Variants in FOXN4 observed in about 807,000 individuals in gnomAD.
FOXN4 encodes forkhead box protein N4.
A neutral mutation model predicts 45.0 loss-of-function variants in FOXN4; 12 were observed. That is an observed-to-expected ratio of 0.27 (90% CI 0.17 to 0.43). The LOEUF is 0.43. FOXN4 is among the 20% of genes least tolerant of loss of function. FOXN4 has a pLI of 1.00. For synonymous variants in FOXN4, 297 were observed against 295.0 expected, an observed-to-expected ratio of 1.01 and a Z score of -0.07; for missense variants, 560 against 694.9, an observed-to-expected ratio of 0.81 and a Z score of 2.18.
chr12:109,296,303 C>A (rs1325148938), intron 2 of FOXN4, among the ~76,000 whole-genome samples: 1 of 152,234 alleles, frequency 6.6e-6, no homozygotes, highest in Non-Finnish European at 1.5e-5. Flanking sequence ...CCCCCGTGCT[C>A]TCACTCAGGT....
Position 109,281,747 on chromosome 12 carries a change from G to A in FOXN4, c.954C>T (p.Gly318=). 1 of 1,605,126 alleles carries A rather than the reference G, an allele frequency of 6.2e-7. No individual in the cohort carries two copies. Among genetic ancestry groups the A allele is most frequent in the Non-Finnish European group, 8.5e-7 (1 of 1,176,124 alleles). The part of the protein sequence containing the change: ...SDRPESCRRP[G]KPGEPEAPVL... Reference sequence around the variant, plus strand: ...CGGGGGCCTCTGGTTCCCCCGGTTTGCCGGGGCGCCGGCAGCTTTCAGGCC... The same window carrying A: ...CGGGGGCCTCTGGTTCCCCCGGTTTACCGGGGCGCCGGCAGCTTTCAGGCC... The change falls in exon 9 of 10, where the codon GGC becomes GGT. Residue 318 remains glycine, a synonymous_variant. Coordinates refer to ENST00000299162, the MANE Select transcript of FOXN4 (RefSeq NM_213596.3).
chr12:109,281,351 C>A (rs2047649847), intron 9 of FOXN4, 56 bp downstream of exon 9: 5 of 1,593,628 alleles, frequency 3.1e-6, no homozygotes, highest in South Asian at 1.1e-5. Context: ...TCCCTTTGGC[C>A]CCCGGGCCTC....
rs1566000635 is a variant in FOXN4 at position 109,290,133 on chromosome 12, G to A, written c.232+8C>T. ...CCTCCTCCCTGCCTACCTTGTCCCTGAGCCTACCTGGGTGTGGATGTGGCA... is the reference window on the plus strand; with the variant it reads ...CCTCCTCCCTGCCTACCTTGTCCCTAAGCCTACCTGGGTGTGGATGTGGCA... On this transcript the variant is annotated splice_region_variant and intron_variant, in intron 3 of 9. Transcript: ENST00000299162. The surrounding 1 kb of genome is among the most constrained non-coding windows in gnomAD (Gnocchi z 5.1). 2 of 1,540,076 alleles carry A rather than the reference G, an allele frequency of 1.3e-6. No individual in the cohort carries two copies. Among genetic ancestry groups the A allele is most frequent in the Non-Finnish European group, 1.8e-6 (2 of 1,140,758 alleles).
chr12:109,306,800 A>G (rs1451157197), intron 2 of FOXN4, among the ~76,000 whole-genome samples: 5 of 152,248 alleles, frequency 3.3e-5, no homozygotes, highest in Admixed American at 2.0e-4. Context: ...ACGTAGCCAG[A>G]GAAGTTGGGA....
rs533089438 is a variant in FOXN4, at chr12:109,290,418, C to T, written c.87-132G>A. On this transcript the variant is annotated intron_variant, in intron 2 of 9. Transcript: ENST00000299162. The surrounding 1 kb of genome is among the most constrained non-coding windows in gnomAD (Gnocchi z 5.1). ...AGCCACGCCAGCCCTCCAACCTGCC[C>T]GTCCCCAGGACTGGACACGGGAACC... 11 of 1,133,520 alleles carry T rather than the reference C, an allele frequency of 9.7e-6. No individual in the cohort carries two copies. Among genetic ancestry groups the T allele is most frequent in the South Asian group, 5.1e-5 (3 of 58,460 alleles). 70.2% of individuals were successfully genotyped at this position (1,133,520 alleles called of 1,614,324 possible).
intron 9 of FOXN4, 123 bp from the exon 10 acceptor site, chr12:109,280,053 G>T (rs1456373129): frequency 3.6e-6 from 5 of 1,384,074 alleles, no homozygotes; most frequent in Non-Finnish European, 4.9e-6. Flanking sequence ...TGTAGAAAAA[G>T]GGCATGGGGC....
chr12:109,295,213 C>T (rs1046473803), intron 2 of FOXN4, among the ~76,000 whole-genome samples: 4 of 152,192 alleles, frequency 2.6e-5, no homozygotes, highest in African/African-American at 9.6e-5. Flanking sequence ...GTGTGTGTAA[C>T]AGAGAGAGCC....
intron 2 of FOXN4, among the ~76,000 whole-genome samples, chr12:109,307,183 C>T (rs1673324538): frequency 6.6e-6 from 1 of 152,206 alleles, no homozygotes; most frequent in Admixed American, 6.5e-5. Flanking sequence ...CCTCTAATTG[C>T]GGGCTGCGGT....
At chr12:109,294,864 A>C (rs573940414) in intron 2 of FOXN4, among the ~76,000 whole-genome samples, 84 of 151,490 alleles carry the variant, frequency 5.5e-4, no homozygotes, top group Non-Finnish European at 9.0e-4. Flanking sequence ...CTCCCTCATC[A>C]GTGCCTGAAG....
chr12:109,290,689 C>T lies in FOXN4; in HGVS notation c.87-403G>A, dbSNP rs1243177783. 6.6e-6 allele frequency among the ~76,000 whole-genome samples: 1 copy of T among 152,164 alleles called. No individual in the cohort carries two copies. The highest frequency in any genetic ancestry group is 1.5e-5 in the Non-Finnish European group (1 of 68,028). ...CAGTTGGAGCTCACCTACTATGGGA[C>T]ACTACAGCACAGAGCACTCAGGGCC... On this transcript the variant is annotated intron_variant, in intron 2 of 9. Coordinates refer to ENST00000299162, the MANE Select transcript of FOXN4 (RefSeq NM_213596.3). This position sits in a 1 kb window ranked among gnomAD's most constrained non-coding sequence, Gnocchi z 5.1.
chr12:109,287,535 G>A lies in FOXN4; in HGVS notation c.469-11C>T. 1 of 1,513,764 alleles carries A rather than the reference G, an allele frequency of 6.6e-7. No homozygotes were observed. Among genetic ancestry groups the A allele is most frequent in the Non-Finnish European group, 8.8e-7 (1 of 1,132,374 alleles). The allele number at this position is 1,513,764 out of a possible 1,614,324, so 93.8% of individuals were successfully genotyped here. A position where few individuals can be genotyped will look rare whatever the true frequency, so the allele number is the denominator to read the frequency against. On this transcript the variant is annotated splice_polypyrimidine_tract_variant and intron_variant, in intron 5 of 9. Coordinates refer to ENST00000299162, the MANE Select transcript of FOXN4 (RefSeq NM_213596.3). This position sits in a 1 kb window ranked among gnomAD's most constrained non-coding sequence, Gnocchi z 4.1. ...GCCCACAGGAGGGCACTTCCCACAG[G>A]CAGGGGCAGGGAGAAAGTGGCAGAG...
At position 109,286,751 on chromosome 12, in the gene FOXN4, G is replaced by A. The variant is rs1407302075; in HGVS notation, c.597-7C>T. 1.2e-6 allele frequency: 2 copies of A among 1,602,546 alleles called. No individual in the cohort carries two copies. The highest frequency in any genetic ancestry group is 1.7e-6 in the Non-Finnish European group (2 of 1,179,210). ...GGCCATGGCGATCAGACAGCTGGGGGCAGGAGGTGGGGCAGGGCAGGGCAG... is the reference window on the plus strand; with the variant it reads ...GGCCATGGCGATCAGACAGCTGGGGACAGGAGGTGGGGCAGGGCAGGGCAG... On this transcript the variant is annotated splice_region_variant and splice_polypyrimidine_tract_variant and intron_variant, in intron 6 of 9. Transcript: ENST00000299162.
chr12:109,286,770 A>C (rs147825065), intron 6 of FOXN4, 26 bp from the exon 7 acceptor site: 2 of 1,571,070 alleles, frequency 1.3e-6, no homozygotes, highest in Admixed American at 3.5e-5. Context: ...GGGGCAGGGC[A>C]GGGCAGGGCA....
chr12:109,278,178 C>G lies in FOXN4; in HGVS notation c.*1493G>C, dbSNP rs2047622663. The G allele has an allele frequency of 2.0e-5, 3 of 152,200 alleles. No homozygotes were observed. The South Asian group carries it at 6.2e-4, about 32-fold the overall frequency. The allele number at this position is 152,200 out of a possible 1,614,324, so 9.4% of individuals were successfully genotyped here. A position where few individuals can be genotyped will look rare whatever the true frequency, so the allele number is the denominator to read the frequency against. On this transcript the variant is annotated 3_prime_UTR_variant, in exon 10 of 10. Coordinates refer to ENST00000299162, the MANE Select transcript of FOXN4 (RefSeq NM_213596.3). ...GGTGGTGGATACTCGGTAGAAAGTTCCAGAACTGGGAAAAACTTAAAGCTC... is the reference window on the plus strand; with the variant it reads ...GGTGGTGGATACTCGGTAGAAAGTTGCAGAACTGGGAAAAACTTAAAGCTC...
intron 2 of FOXN4, among the ~76,000 whole-genome samples, chr12:109,298,058 AT>A (rs2047833330): frequency 6.6e-6 from 1 of 152,150 alleles, no homozygotes; most frequent in African/African-American, 2.4e-5. Flanking sequence ...TAGAAATTTG[AT>A]TTAGATCTGG....
rs1555244325 is a variant in FOXN4, at chr12:109,304,295, G to GAAAGAAAGAAAGAAA, written c.86+3940_86+3941insTTTCTTTCTTTCTTT. Among the ~76,000 whole-genome samples the GAAAGAAAGAAAGAAA allele has an allele frequency of 5.8e-3, 233 of 40,048 alleles. 16 individuals carry two copies. Among genetic ancestry groups the GAAAGAAAGAAAGAAA allele is most frequent in the African/African-American group, 0.016 (138 of 8,470 alleles). The allele number at this position is 40,048 out of a possible 152,430, so 26.3% of individuals were successfully genotyped here. On this transcript the variant is annotated intron_variant, in intron 2 of 9. Coordinates refer to ENST00000299162, the MANE Select transcript of FOXN4 (RefSeq NM_213596.3). ...AGAAAGAAAGAAAGAAAGAAAGAAA[G>GAAAGAAAGAAAGAAA]GAGAAAGAAAGAAGGAAAGAAGGAA...
intron 2 of FOXN4, among the ~76,000 whole-genome samples, chr12:109,297,754 G>C (rs940715769): frequency 1.3e-5 from 2 of 152,188 alleles, no homozygotes; most frequent in Admixed American, 6.5e-5. Flanking sequence ...AATCCCTGGT[G>C]CCAAAAAGGC....
At chr12:109,283,463 ATTGT>A (rs913649138) in intron 8 of FOXN4, among the ~76,000 whole-genome samples, 13 of 143,742 alleles carry the variant, frequency 9.0e-5, no homozygotes, top group Middle Eastern at 3.5e-3. Context: ...CTTTTCACTT[ATTGT>A]TTGAGAACTT....
Position 109,293,256 on chromosome 12 carries a change from G to T in FOXN4, c.87-2970C>A, listed in dbSNP as rs150397768. ...AATCTCACAGTCTGGAAAAGGACCAGGGTTGGGGTCCTGACTCCCTGTGCA... is the reference window on the plus strand; with the variant it reads ...AATCTCACAGTCTGGAAAAGGACCATGGTTGGGGTCCTGACTCCCTGTGCA... On this transcript the variant is annotated intron_variant, in intron 2 of 9. Coordinates refer to ENST00000299162, the MANE Select transcript of FOXN4 (RefSeq NM_213596.3). Among the ~76,000 whole-genome samples the T allele has an allele frequency of 1.3e-3, 198 of 152,296 alleles. 1 individual carries two copies. Among genetic ancestry groups the T allele is most frequent in the African/African-American group, 4.6e-3 (190 of 41,560 alleles).
Sources: gnomAD v4.1 joint callset for allele counts (sites outside exome capture counted in the v4.1 genomes callset) on GRCh38, gnomAD v4.1.1 for gene constraint, Gnocchi (gnomAD v3.1) non-coding constraint, MANE v1.5 for transcripts, NCBI Gene and HGNC (gene_info 2026-07-23, HGNC 2026-07-21) for gene names.